The following BMPR1B variants were observed in gnomAD, a reference collection of about 807,000 sequenced individuals.
BMPR1B encodes bone morphogenetic protein receptor type 1B.
BMPR1B carries 12 observed loss-of-function variants against 59.1 expected under a neutral mutation model. That is an observed-to-expected ratio of 0.20 (90% CI 0.13 to 0.33). The LOEUF (loss-of-function observed/expected upper bound fraction) is 0.33, where lower values mean the gene tolerates loss of function less well. Ranked by LOEUF, BMPR1B falls within the 10% of genes least tolerant of loss-of-function variation. The pLI is 1.00. For synonymous variants in BMPR1B, 237 were observed against 207.3 expected, an observed-to-expected ratio of 1.14 and a Z score of -1.23; for missense variants, 550 against 610.9, an observed-to-expected ratio of 0.90 and a Z score of 1.05.
intron 3 of BMPR1B, among the ~76,000 whole-genome samples, chr4:95,099,975 C>T (rs947888850): frequency 2.0e-5 from 3 of 152,108 alleles, no homozygotes; most frequent in Admixed American, 6.6e-5. Context: ...TTCCAAACTC[C>T]CAGTTTAAAT....
intron 3 of BMPR1B, among the ~76,000 whole-genome samples, chr4:95,040,771 C>T (rs1455791025): frequency 6.6e-6 from 1 of 152,118 alleles, no homozygotes; most frequent in Non-Finnish European, 1.5e-5. Context: ...TAGTTCCTTA[C>T]AAGCGGGACA....
chr4:94,939,209 T>A (rs550324898), intron 2 of BMPR1B, among the ~76,000 whole-genome samples: 245 of 152,098 alleles, frequency 1.6e-3, no homozygotes, highest in Non-Finnish European at 2.6e-3. Flanking sequence ...ATTGATACAT[T>A]CCTATGGAGA....
At chr4:94,847,259 G>A (rs1049630653) in intron 1 of BMPR1B, among the ~76,000 whole-genome samples, 1 of 152,126 alleles carries the variant, frequency 6.6e-6, no homozygotes, top group African/African-American at 2.4e-5. Flanking sequence ...AGTTAAAATG[G>A]CTTTTATCCA....
chr4:94,764,594 C>T (rs1287122407), intron 1 of BMPR1B, among the ~76,000 whole-genome samples: 1 of 152,286 alleles, frequency 6.6e-6, no homozygotes, highest in Non-Finnish European at 1.5e-5. Context: ...TTCTGAAAGC[C>T]TGCTCTTTGG....
chr4:94,937,109 C>T (rs1459726851), intron 2 of BMPR1B, among the ~76,000 whole-genome samples: 4 of 152,166 alleles, frequency 2.6e-5, no homozygotes, highest in Admixed American at 1.3e-4. Flanking sequence ...CCTGTACTTA[C>T]AGCCTATGCA....
At chr4:94,794,218 G>A (rs1341977429) in intron 1 of BMPR1B, among the ~76,000 whole-genome samples, 3 of 139,262 alleles carry the variant, frequency 2.2e-5, no homozygotes, top group Non-Finnish European at 4.7e-5. Flanking sequence ...AAGGGATCCA[G>A]TTTCAGCTTT....
At chr4:94,772,093 G>A (rs1578625709) in intron 1 of BMPR1B, among the ~76,000 whole-genome samples, 1 of 152,136 alleles carries the variant, frequency 6.6e-6, no homozygotes. Context: ...ATCTGTAATA[G>A]AGATATTACC....
At chr4:94,968,773 T>C (rs967560930) in intron 2 of BMPR1B, among the ~76,000 whole-genome samples, 4 of 152,170 alleles carry the variant, frequency 2.6e-5, no homozygotes, top group Non-Finnish European at 5.9e-5. Flanking sequence ...AGCATTGTTA[T>C]TACACTCTTA....
chr4:94,768,922 C>T (rs1288956827), intron 1 of BMPR1B, among the ~76,000 whole-genome samples: 1 of 152,064 alleles, frequency 6.6e-6, no homozygotes, highest in East Asian at 1.9e-4. Context: ...TAGATCTAGA[C>T]TTTTTATTCC....
At chr4:94,899,458 T>C (rs940832456) in intron 2 of BMPR1B, among the ~76,000 whole-genome samples, 6 of 149,376 alleles carry the variant, frequency 4.0e-5, no homozygotes, top group Non-Finnish European at 8.9e-5. Flanking sequence ...CACACACATA[T>C]ATATTTAAAT....
chr4:94,854,338 GAAT>G (rs992017375), intron 1 of BMPR1B, among the ~76,000 whole-genome samples: 1 of 152,110 alleles, frequency 6.6e-6, no homozygotes, highest in African/African-American at 2.4e-5. Context: ...ACTATAATAA[GAAT>G]AATGAAGTAG....
chr4:94,887,939 A>G (rs1015418405), intron 2 of BMPR1B, among the ~76,000 whole-genome samples: 1 of 152,094 alleles, frequency 6.6e-6, no homozygotes, highest in Non-Finnish European at 1.5e-5. Flanking sequence ...AAACTTGGAG[A>G]TTTAGCCTGT....
chr4:94,795,434 CAT>C (rs1491123627), intron 1 of BMPR1B, among the ~76,000 whole-genome samples: 1 of 133,912 alleles, frequency 7.5e-6, no homozygotes, highest in Admixed American at 7.0e-5. Flanking sequence ...CTTATTGAAA[CAT>C]TTTTTTTTTT....
intron 3 of BMPR1B, among the ~76,000 whole-genome samples, chr4:95,061,625 A>G (rs1017329792): frequency 1.3e-4 from 20 of 152,282 alleles, no homozygotes; most frequent in Admixed American, 1.2e-3. Context: ...TGAAGCAGAA[A>G]GTTGTTAGGT....
At chr4:94,949,732 A>G (rs1729857962) in intron 2 of BMPR1B, among the ~76,000 whole-genome samples, 1 of 152,148 alleles carries the variant, frequency 6.6e-6, no homozygotes, top group African/African-American at 2.4e-5. Context: ...GCTATTGTGA[A>G]TAGTGCCACA....
At position 95,033,304 on chromosome 4, in the gene BMPR1B, CTT is replaced by C. The variant is rs70946581; in HGVS notation, c.-18+37181_-18+37182del. ...TTAATTTTAAAGTAGTCCAGTTTATCTTTTTTTTTTTTCCTGTTGTTACCTGT... is the reference window on the plus strand; with the variant it reads ...TTAATTTTAAAGTAGTCCAGTTTATCTTTTTTTTTTCCTGTTGTTACCTGT... On this transcript the variant is annotated intron_variant, in intron 3 of 12. Transcript: ENST00000515059. 7.2e-4 allele frequency among the ~76,000 whole-genome samples: 106 copies of C among 147,604 alleles called. No homozygotes were observed. The South Asian group carries it at 7.9e-3, about 11-fold the overall frequency.
intron 2 of BMPR1B, among the ~76,000 whole-genome samples, chr4:94,914,222 G>A (rs964110051): frequency 1.3e-5 from 2 of 152,126 alleles, no homozygotes; most frequent in African/African-American, 2.4e-5. Flanking sequence ...AGGTGGTCTC[G>A]AAGATGCCTT....
chr4:94,790,669 T>A (rs1276747966), intron 1 of BMPR1B, among the ~76,000 whole-genome samples: 1 of 152,256 alleles, frequency 6.6e-6, no homozygotes, highest in African/African-American at 2.4e-5. Flanking sequence ...AAGTTCTTGC[T>A]ATATCTTCCT....
chr4:95,148,751 T>A lies in BMPR1B; in HGVS notation c.1080T>A (p.Asp360Glu). ...DLGLAVKFIS[D>E]TNEVDIPPNT... ...CTTTGCTTTACTTTTTCCTTAGTGA[T>A]ACAAATGAAGTTGACATACCACCTA... Residue 360 changes from aspartate to glutamate, a missense_variant, in exon 11 of 13, where the codon GAT becomes GAA. Physicochemically the swap from Asp to Glu is conservative, Grantham distance 45 (BLOSUM62 2). Transcript: ENST00000515059. 6.2e-7 allele frequency: 1 copy of A among 1,613,912 alleles called. No homozygotes were observed. The highest frequency in any genetic ancestry group is 1.7e-4 in the Middle Eastern group (1 of 6,060).
Sources: gnomAD v4.1 joint callset for allele counts (sites outside exome capture counted in the v4.1 genomes callset) on GRCh38, gnomAD v4.1.1 for gene constraint, MANE v1.5 for transcripts, NCBI Gene and HGNC (gene_info 2026-07-23, HGNC 2026-07-21) for gene names.